Variants in TRIM63 observed in about 807,000 individuals in gnomAD.
TRIM63 encodes the protein E3 ubiquitin-protein ligase TRIM63.
Under a neutral mutation model 46.0 loss-of-function variants are expected in TRIM63, and 48 were observed. That is an observed-to-expected ratio of 1.04 (90% CI 0.83 to 1.33). The LOEUF is 1.33. Ranked by LOEUF, TRIM63 falls within the 40% of genes most tolerant of loss-of-function variation. The pLI is 0.00. For missense variants in TRIM63, 455 were observed against 441.2 expected, an observed-to-expected ratio of 1.03 and a Z score of -0.28; for synonymous variants, 175 against 162.8, an observed-to-expected ratio of 1.08 and a Z score of -0.57.
intron 2 of TRIM63, among the ~76,000 whole-genome samples, chr1:26,064,654 T>C (rs2050658560): frequency 6.6e-6 from 1 of 152,194 alleles, no homozygotes; most frequent in South Asian, 2.1e-4. Flanking sequence ...AGGTACCCAA[T>C]AAATGGTTGA....
chr1:26,054,861 G>GGGA (rs2124435959), intron 7 of TRIM63, among the ~76,000 whole-genome samples: 1 of 152,040 alleles, frequency 6.6e-6, no homozygotes, highest in Admixed American at 6.6e-5. Flanking sequence ...CCAGCTACTT[G>GGGA]GGAGGCTGAG....
chr1:26,060,326 C>A lies in TRIM63; in HGVS notation c.537G>T (p.Ala179=). ...ELNNCISMLV[A]GNDRVQTIIT... ...TGATGGTCTGCACACGGTCATTCCC[C>A]GCCACCAGCATGGAGATACAGTTAT... Residue 179 remains alanine, a synonymous_variant, in exon 4 of 9, where the codon GCG becomes GCT. Coordinates refer to ENST00000374272, the MANE Select transcript of TRIM63 (RefSeq NM_032588.4). 6.2e-7 allele frequency: 1 copy of A among 1,613,994 alleles called. No homozygotes were observed. The highest frequency in any genetic ancestry group is 8.5e-7 in the Non-Finnish European group (1 of 1,179,980).
intron 2 of TRIM63, among the ~76,000 whole-genome samples, chr1:26,062,302 G>A (rs1197895476): frequency 2.0e-5 from 3 of 150,354 alleles, no homozygotes; most frequent in Non-Finnish European, 3.0e-5. Flanking sequence ...AAGAAAGAAA[G>A]AATAAATTAA....
intron 2 of TRIM63, 90 bp downstream of exon 2, chr1:26,066,178 A>C (rs2050674643): frequency 1.4e-6 from 2 of 1,441,244 alleles, no homozygotes; most frequent in Admixed American, 1.7e-5. Context: ...CTGGATCCTG[A>C]GCAGATGAAG....
Position 26,057,448 on chromosome 1 carries a change from T to C in TRIM63, c.855-121A>G, listed in dbSNP as rs1019959169. ...CAGAGGCTCCCCTGGAGGGATGGAG[T>C]ATTTCCTCTCCAACCTCAAGCACAA... On this transcript the variant is annotated intron_variant, in intron 6 of 8. Transcript: ENST00000374272. 460 of 1,430,134 alleles carry C rather than the reference T, an allele frequency of 3.2e-4. 1 individual carries two copies. In the Middle Eastern group the frequency reaches 3.3e-3, roughly 10 times the overall value. The allele number at this position is 1,430,134 out of a possible 1,614,324, so 88.6% of individuals were successfully genotyped here. A position where few individuals can be genotyped will look rare whatever the true frequency, so the allele number is the denominator to read the frequency against.
Position 26,058,612 on chromosome 1 carries a change from G to C in TRIM63, c.609C>G (p.His203Gln). 1 of 1,614,106 alleles carries C rather than the reference G, an allele frequency of 6.2e-7. No homozygotes were observed. The highest frequency in any genetic ancestry group is 8.5e-7 in the Non-Finnish European group (1 of 1,180,014). The part of the protein sequence containing the change: ...DSRRVTKENS[H>Q]QVKEELSQKF... The stretch of plus-strand genomic sequence containing the variant: ...TCTGGCTCAGCTCTTCCTTTACCTG[G>C]TGACTGTTCTCCTGAGGACGGAAGT... The change falls in exon 5 of 9, where the codon CAC becomes CAG. Residue 203 changes from histidine to glutamine, a missense_variant. His to Gln is a conservative substitution (Grantham distance 24). Transcript: ENST00000374272.
chr1:26,064,068 G>GGC (rs1212884300), intron 2 of TRIM63, among the ~76,000 whole-genome samples: 1 of 152,228 alleles, frequency 6.6e-6, no homozygotes, highest in East Asian at 1.9e-4. Context: ...GGCCAAGGCG[G>GGC]GCGCATTACC....
At chr1:26,054,365 T>C (rs1448648315) in intron 7 of TRIM63, among the ~76,000 whole-genome samples, 1 of 152,154 alleles carries the variant, frequency 6.6e-6, no homozygotes, top group African/African-American at 2.4e-5. Flanking sequence ...GTCCTTGTCT[T>C]GAAGGAAGCT....
intron 2 of TRIM63, among the ~76,000 whole-genome samples, chr1:26,063,864 C>T (rs1215870280): frequency 6.6e-6 from 1 of 152,220 alleles, no homozygotes; most frequent in African/African-American, 2.4e-5. Context: ...ATATAACATG[C>T]TCTTCATAGG....
intron 2 of TRIM63, 84 bp downstream of exon 2, chr1:26,066,184 T>G: frequency 6.8e-7 from 1 of 1,479,342 alleles, no homozygotes; most frequent in Non-Finnish European, 9.3e-7. Context: ...CCTGAGCAGA[T>G]GAAGGAGGGG....
intron 6 of TRIM63, 87 bp from the exon 7 acceptor site, chr1:26,057,414 C>G (rs904047774): frequency 1.3e-6 from 2 of 1,542,364 alleles, no homozygotes; most frequent in Non-Finnish European, 1.8e-6. Flanking sequence ...CACGCCCAGG[C>G]CTTCTACCCA....
In TRIM63 at chr1:26,061,186, T is replaced by C; in HGVS notation, c.481A>G (p.Ser161Gly). 4 of 1,613,558 alleles carry C rather than the reference T, an allele frequency of 2.5e-6. No homozygotes were observed. The highest frequency in any genetic ancestry group is 1.1e-5 in the South Asian group (1 of 91,062). ...AGTACCTTTTGTCCCTGGAAGACACTCTGCAATGGGGCCACCTCGCAGGCC... is the reference window on the plus strand; with the variant it reads ...AGTACCTTTTGTCCCTGGAAGACACCCTGCAATGGGGCCACCTCGCAGGCC... Reference protein sequence around the residue: ...HKACEVAPLQSVFQGQKTELN... With the variant: ...HKACEVAPLQGVFQGQKTELN... The change falls in exon 3 of 9, where the codon AGT becomes GGT. Residue 161 changes from serine to glycine, a missense_variant. Ser to Gly is a moderately conservative substitution (Grantham distance 56, BLOSUM62 0). Coordinates refer to ENST00000374272, the MANE Select transcript of TRIM63 (RefSeq NM_032588.4).
chr1:26,052,163 G>A (rs1185040360), intron 8 of TRIM63, among the ~76,000 whole-genome samples: 1 of 152,204 alleles, frequency 6.6e-6, no homozygotes, highest in African/African-American at 2.4e-5. Flanking sequence ...GCAAGCATGT[G>A]CTAATTAGCA....
chr1:26,057,594 G>A (rs2050584833), intron 6 of TRIM63, 34 bp downstream of exon 6: 2 of 1,605,270 alleles, frequency 1.2e-6, no homozygotes, highest in Admixed American at 1.7e-5. Context: ...TGGGAACTAG[G>A]TGCTTGGATC....
At chr1:26,056,122 GCAA>G (rs1216107575) in intron 7 of TRIM63, among the ~76,000 whole-genome samples, 1 of 152,132 alleles carries the variant, frequency 6.6e-6, no homozygotes, top group Non-Finnish European at 1.5e-5. Context: ...TCAGACCAAC[GCAA>G]CAGTCAGCAA....
intron 7 of TRIM63, among the ~76,000 whole-genome samples, chr1:26,054,725 G>C (rs2050553147): frequency 6.6e-6 from 1 of 152,130 alleles, no homozygotes; most frequent in Non-Finnish European, 1.5e-5. Flanking sequence ...CCAGCACTTT[G>C]GGAGGCTGAG....
intron 2 of TRIM63, among the ~76,000 whole-genome samples, chr1:26,065,281 C>T (rs533522405): frequency 1.3e-5 from 2 of 151,986 alleles, no homozygotes; most frequent in South Asian, 4.2e-4. Flanking sequence ...ACCTTGGCCT[C>T]CCAAAGTGCT....
chr1:26,062,143 A>C (rs2050631629), intron 2 of TRIM63, among the ~76,000 whole-genome samples: 1 of 151,834 alleles, frequency 6.6e-6, no homozygotes. Flanking sequence ...GGTGGCATGC[A>C]CCTGTAATCC....
In TRIM63 at chr1:26,057,168, G is replaced by A. The variant is rs79846120; in HGVS notation, c.979+35C>T. On this transcript the variant is annotated intron_variant, in intron 7 of 8. Transcript: ENST00000374272. ...GATGCTGGTTTCCAGGGGTCAGGCAGGCAAATAGACAAGTGGCATCACCAC... is the reference window on the plus strand; with the variant it reads ...GATGCTGGTTTCCAGGGGTCAGGCAAGCAAATAGACAAGTGGCATCACCAC... The A allele has an allele frequency of 1.9e-3, 3,031 of 1,612,266 alleles. 50 individuals are homozygous for A. The African/African-American group carries it at 0.035, about 19-fold the overall frequency.
Sources: gnomAD v4.1 joint callset for allele counts (sites outside exome capture counted in the v4.1 genomes callset) on GRCh38, gnomAD v4.1.1 for gene constraint, MANE v1.5 for transcripts, NCBI Gene and HGNC (gene_info 2026-07-23, HGNC 2026-07-21) for gene names.